Variants in NAT16 observed in about 807,000 individuals in gnomAD.
NAT16 encodes the protein N-acetyltransferase 16 (putative).
In NAT16, 16 loss-of-function variants were observed where a neutral mutation model predicts 15.9. The observed-to-expected ratio is 1.01, with a 90% CI of 0.68 to 1.53. The LOEUF (loss-of-function observed/expected upper bound fraction) is 1.53, where lower values mean the gene tolerates loss of function less well. Among genes scored for constraint, NAT16 ranks in the 40% most tolerant of loss-of-function variants. NAT16 has a pLI of 0.00. For synonymous variants in NAT16, 260 were observed against 241.9 expected (o/e 1.07, Z -0.69); for missense variants, 572 against 508.4 (o/e 1.13, Z -1.20).
At position 101,179,546 on chromosome 7, in the gene NAT16, G is replaced by A. The variant is rs368645586; in HGVS notation, c.-5+496C>T. On this transcript the variant is annotated intron_variant, in intron 1 of 3. Coordinates refer to ENST00000300303, the MANE Select transcript of NAT16 (RefSeq NM_198571.3). Reference sequence around the variant, plus strand: ...AGAGAACAACCTTGGAAACAGAGACGGGGAGAGGCGATGAAGTGGGGGCGG... The same window carrying A: ...AGAGAACAACCTTGGAAACAGAGACAGGGAGAGGCGATGAAGTGGGGGCGG... Among the ~76,000 whole-genome samples, 10 of 150,588 alleles carry A rather than the reference G, an allele frequency of 6.6e-5. No homozygotes were observed. In the South Asian group the frequency reaches 1.3e-3, roughly 19 times the overall value.
chr7:101,171,180 ACACCACCACCAC>A lies in NAT16; in HGVS notation c.*887_*898del, dbSNP rs3216980. On this transcript the variant is annotated 3_prime_UTR_variant, in exon 4 of 4. Coordinates refer to ENST00000300303, the MANE Select transcript of NAT16 (RefSeq NM_198571.3). ...CTTCAGCTAGAACCACACCACACAC[ACACCACCACCAC>A]CACCACCACCCCGCCCGGCTCGGGT... 0.52 allele frequency: 79,097 copies of A among 152,018 alleles called. 22,653 individuals are homozygous for A. The highest frequency in any genetic ancestry group is 0.64 in the Middle Eastern group (422 of 662). The allele number at this position is 152,018 out of a possible 1,614,324, so 9.4% of individuals were successfully genotyped here. A position where few individuals can be genotyped will look rare whatever the true frequency, so the allele number is the denominator to read the frequency against.
Position 101,171,733 on chromosome 7 carries a change from T to G in NAT16, c.*346A>C. The G allele has an allele frequency of 3.8e-5, 8 of 208,978 alleles. No individual in the cohort carries two copies. Among genetic ancestry groups the G allele is most frequent in the Middle Eastern group, 1.7e-3 (1 of 588 alleles). 12.9% of individuals were successfully genotyped at this position (208,978 alleles called of 1,614,324 possible). On this transcript the variant is annotated 3_prime_UTR_variant, in exon 4 of 4. Transcript: ENST00000300303. ...GGAAAGGGGGAGTTCACGCCCCGGGTGAGGTGATGGAGAGGGAAGGAAGGA... is the reference window on the plus strand; with the variant it reads ...GGAAAGGGGGAGTTCACGCCCCGGGGGAGGTGATGGAGAGGGAAGGAAGGA...
At chr7:101,176,252 G>A (rs1160825901) in intron 1 of NAT16, among the ~76,000 whole-genome samples, 5 of 152,218 alleles carry the variant, frequency 3.3e-5, no homozygotes, top group Middle Eastern at 3.4e-3. Flanking sequence ...CTAGCATGGC[G>A]GCTCAGCCGA....
intron 1 of NAT16, among the ~76,000 whole-genome samples, chr7:101,178,206 G>A (rs1025016114): frequency 1.3e-5 from 2 of 152,164 alleles, no homozygotes; most frequent in Non-Finnish European, 2.9e-5. Flanking sequence ...TGGACGTGGG[G>A]AGTTCCCAGA....
In NAT16 at chr7:101,172,257, C is replaced by T. The variant is rs776502659; in HGVS notation, c.932G>A (p.Ser311Asn). Residue 311 changes from serine to asparagine, a missense_variant, in exon 4 of 4, where the codon AGC becomes AAC. Coordinates refer to ENST00000300303, the MANE Select transcript of NAT16 (RefSeq NM_198571.3). The surrounding 1 kb of genome is among the most constrained non-coding windows in gnomAD (Gnocchi z 4.2). ...GCGCTGCAGGTGCCACAGCAGCTGG[C>T]TCTGCACCTGCGCGCCGTCGCTACC... ...AFGSDGAQVQ[S>N]QLLWHLQRQA... is the part of the protein sequence containing the mutation. 1.2e-6 allele frequency: 2 copies of T among 1,613,010 alleles called. No homozygotes were observed. Among genetic ancestry groups the T allele is most frequent in the East Asian group, 2.2e-5 (1 of 44,848 alleles).
In NAT16 at chr7:101,172,582, G is replaced by C. The variant is rs879584444; in HGVS notation, c.607C>G (p.Arg203Gly). The C allele has an allele frequency of 7.8e-6, 12 of 1,531,232 alleles. No individual in the cohort carries two copies. The highest frequency in any genetic ancestry group is 1.4e-5 in the African/African-American group (1 of 70,512). The allele number at this position is 1,531,232 out of a possible 1,614,324, so 94.9% of individuals were successfully genotyped here. Residue 203 changes from arginine to glycine, a missense_variant, in exon 4 of 4, where the codon CGG becomes GGG. Transcript: ENST00000300303. The surrounding 1 kb of genome is among the most constrained non-coding windows in gnomAD (Gnocchi z 4.2). ...AGLGARLAAL[R>G]TSGTFSPLPT... The stretch of plus-strand genomic sequence containing the variant: ...AGCGGCGAGAAGGTGCCAGAGGTCC[G>C]CAGCGCCGCCAGCCGCGCGCCCAGC...
In NAT16 at chr7:101,173,239, T is replaced by C; in HGVS notation, c.537+57A>G. 7.0e-6 allele frequency: 10 copies of C among 1,430,532 alleles called. No individual in the cohort carries two copies. The South Asian group carries it at 1.2e-4, about 16-fold the overall frequency. 88.6% of individuals were successfully genotyped at this position (1,430,532 alleles called of 1,614,324 possible). ...CGTGTTCTGCTGGGGGTGGGGAGGG[T>C]CTCCCCATATGCCCCAGCAGAGAGG... On this transcript the variant is annotated intron_variant, in intron 3 of 3. Coordinates refer to ENST00000300303, the MANE Select transcript of NAT16 (RefSeq NM_198571.3).
At chr7:101,174,118 T>G (rs984574055) in intron 2 of NAT16, 4 of 344,324 alleles carry the variant, frequency 1.2e-5, no homozygotes, top group Admixed American at 4.5e-5. Flanking sequence ...CCCCGGGAGT[T>G]TGCCACGCCC....
chr7:101,174,673 C>T lies in NAT16; in HGVS notation c.135G>A (p.Gly45=). The T allele has an allele frequency of 1.2e-6, 2 of 1,614,032 alleles. No individual in the cohort carries two copies. The highest frequency in any genetic ancestry group is 1.7e-6 in the Non-Finnish European group (2 of 1,180,032). The part of the protein sequence containing the change: ...EVEAEPRSGS[G]PEAEAEPLDF... ...CCAATGGCTCGGCCTCAGCCTCAGG[C>T]CCCGATCCCGACCTGGGCTCGGCCT... Residue 45 remains glycine (G), a synonymous_variant, in exon 2 of 4, where the codon GGG becomes GGA. Coordinates refer to ENST00000300303, the MANE Select transcript of NAT16 (RefSeq NM_198571.3).
intron 3 of NAT16, 150 bp downstream of exon 3, chr7:101,173,146 G>T: frequency 1.4e-6 from 1 of 726,806 alleles, no homozygotes; most frequent in Non-Finnish European, 2.4e-6. Flanking sequence ...GGTCTGGTAA[G>T]GACTGGGAGT....
intron 1 of NAT16, among the ~76,000 whole-genome samples, chr7:101,177,947 A>T (rs904094385): frequency 6.6e-6 from 1 of 152,180 alleles, no homozygotes; most frequent in Non-Finnish European, 1.5e-5. Context: ...CTGCAGCTCC[A>T]GGCAACATGA....
chr7:101,178,079 C>T (rs145367749), intron 1 of NAT16, among the ~76,000 whole-genome samples: 32 of 152,238 alleles, frequency 2.1e-4, no homozygotes, highest in African/African-American at 7.5e-4. Context: ...ACCCACCTGA[C>T]TCATTCAAGA....
In NAT16 at chr7:101,171,254, T is replaced by A. The variant is rs1470077081; in HGVS notation, c.*825A>T. ...CGGGGGAGCCTGCGAAATAGCAAAG[T>A]TGTGCAAAGCAGGAGGAAACCCCAG... On this transcript the variant is annotated 3_prime_UTR_variant, in exon 4 of 4. Transcript: ENST00000300303. 1 of 152,462 alleles carries A rather than the reference T, an allele frequency of 6.6e-6. No homozygotes were observed. The highest frequency in any genetic ancestry group is 1.5e-5 in the Non-Finnish European group (1 of 68,144). The allele number at this position is 152,462 out of a possible 1,614,324, so 9.4% of individuals were successfully genotyped here. A position where few individuals can be genotyped will look rare whatever the true frequency, so the allele number is the denominator to read the frequency against.
chr7:101,172,063 C>G lies in NAT16; in HGVS notation c.*16G>C, dbSNP rs1042223581. On this transcript the variant is annotated 3_prime_UTR_variant, in exon 4 of 4. Transcript: ENST00000300303. This position sits in a 1 kb window ranked among gnomAD's most constrained non-coding sequence, Gnocchi z 4.2. ...GGGGGCGGGTCTTTTTCCCCCTCCC[C>G]GCCAGAGGAGAGGCCTCAGATGTCG... 4 of 1,576,660 alleles carry G rather than the reference C, an allele frequency of 2.5e-6. No homozygotes were observed. Among genetic ancestry groups the G allele is most frequent in the Non-Finnish European group, 3.5e-6 (4 of 1,153,996 alleles).
intron 1 of NAT16, among the ~76,000 whole-genome samples, chr7:101,178,839 C>T (rs1475785418): frequency 1.5e-5 from 2 of 134,918 alleles, no homozygotes; most frequent in Non-Finnish European, 3.0e-5. Context: ...TGTGGTGAGC[C>T]GAGATCACGC....
Position 101,171,210 on chromosome 7 carries a change from G to T in NAT16, c.*869C>A, listed in dbSNP as rs1002013828. ...ACCACCACCACCACCACCCCGCCCG[G>T]CTCGGGTGAGCTGGGGCACGGGGGA... On this transcript the variant is annotated 3_prime_UTR_variant, in exon 4 of 4. Coordinates refer to ENST00000300303, the MANE Select transcript of NAT16 (RefSeq NM_198571.3). The T allele has an allele frequency of 5.5e-3, 837 of 152,888 alleles. 5 individuals are homozygous for T. Among genetic ancestry groups the T allele is most frequent in the African/African-American group, 0.016 (662 of 41,498 alleles). The allele number at this position is 152,888 out of a possible 1,614,324, so 9.5% of individuals were successfully genotyped here.
chr7:101,171,884 T>G lies in NAT16; in HGVS notation c.*195A>C. ...TCAGGTCAGGGAGTGGGCAATGGTGTTTGGGGGAGCTAGAGGCAAGATAGT... is the reference window on the plus strand; with the variant it reads ...TCAGGTCAGGGAGTGGGCAATGGTGGTTGGGGGAGCTAGAGGCAAGATAGT... On this transcript the variant is annotated 3_prime_UTR_variant, in exon 4 of 4. Coordinates refer to ENST00000300303, the MANE Select transcript of NAT16 (RefSeq NM_198571.3). 9 of 561,782 alleles carry G rather than the reference T, an allele frequency of 1.6e-5. No individual in the cohort carries two copies. The highest frequency in any genetic ancestry group is 3.2e-5 in the East Asian group (1 of 31,644). 34.8% of individuals were successfully genotyped at this position (561,782 alleles called of 1,614,324 possible). A position where few individuals can be genotyped will look rare whatever the true frequency, so the allele number is the denominator to read the frequency against.
chr7:101,179,052 G>A (rs111540403), intron 1 of NAT16: 4 of 150,888 alleles, frequency 2.7e-5, no homozygotes, highest in Non-Finnish European at 5.9e-5. Flanking sequence ...TGGGAATGCC[G>A]GCAGCCCACC....
chr7:101,170,890 T>A lies in NAT16; in HGVS notation c.*1189A>T, dbSNP rs1370268714. 2.0e-5 allele frequency: 3 copies of A among 152,284 alleles called. No homozygotes were observed. The allele number at this position is 152,284 out of a possible 1,614,324, so 9.4% of individuals were successfully genotyped here. ...TTGAATGACTTAGAAGTCACTTTGA[T>A]CTTTCCCAGCCTTCTGTTTTCTCCC... On this transcript the variant is annotated 3_prime_UTR_variant, in exon 4 of 4. Coordinates refer to ENST00000300303, the MANE Select transcript of NAT16 (RefSeq NM_198571.3).
Sources: allele counts gnomAD v4.1 joint callset (sites outside exome capture counted in the v4.1 genomes callset), GRCh38; gene constraint gnomAD v4.1.1; non-coding constraint Gnocchi (gnomAD v3.1); transcripts MANE v1.5; gene names NCBI Gene and HGNC (gene_info 2026-07-23, HGNC 2026-07-21).